MYH9: variants seen among roughly 807,000 people sequenced by gnomAD.
MYH9 encodes myosin-9.
MYH9 carries 29 observed loss-of-function variants against 241.9 expected under a neutral mutation model. That is an observed-to-expected ratio of 0.12 (90% confidence interval 0.09 to 0.16). The LOEUF is 0.16. MYH9 is among the 10% of genes least tolerant of loss of function. The pLI, the probability that MYH9 is intolerant of heterozygous loss-of-function variation, is 1.00. For synonymous variants in MYH9, 1,047 were observed against 1,062.6 expected (o/e 0.99, Z 0.29); for missense variants, 1,803 against 2,595.5 (o/e 0.69, Z 6.63).
rs727504861 is a variant in MYH9 at position 36,319,592 on chromosome 22, G to A, written c.1056C>T (p.Ile352=). The A allele has an allele frequency of 3.5e-5, 56 of 1,614,008 alleles. 1 individual carries two copies. The highest frequency in any genetic ancestry group is 3.1e-4 in the South Asian group (28 of 91,082). ...CAGTGTTCCGCTCCTTCTTGAAGAC[G>A]ATGTTGCCGAGCTGAAGAACCCCTG... The part of the protein sequence containing the change: ...VISGVLQLGN[I]VFKKERNTDQ... Residue 352 remains isoleucine (I), a synonymous_variant, in exon 10 of 41, where the codon ATC becomes ATT. Coordinates refer to ENST00000216181, the MANE Select transcript of MYH9 (RefSeq NM_002473.6).
intron 18 of MYH9, among the ~76,000 whole-genome samples, chr22:36,304,738 G>A (rs2016941990): frequency 1.3e-5 from 2 of 152,236 alleles, no homozygotes; most frequent in African/African-American, 4.8e-5. Flanking sequence ...CCGTGAGCAA[G>A]AAAGCAGGAG....
rs1247127142 is a variant in MYH9, at chr22:36,282,697, C to G, written c.5854G>C (p.Asp1952His). The G allele has an allele frequency of 2.5e-6, 4 of 1,613,964 alleles. No homozygotes were observed. The highest frequency in any genetic ancestry group is 3.4e-6 in the Non-Finnish European group (4 of 1,180,052). Residue 1952 changes from aspartate (D) to histidine (H), a missense_variant, in exon 41 of 41, where the codon GAT becomes CAT. Physicochemically the swap from Asp to His is moderately conservative, Grantham distance 81 (BLOSUM62 -1). Around this residue, in one of 11 missense-constraint regions of MYH9, gnomAD observed 876 missense variants for 1,077.8 expected, o/e 0.81. Transcript: ENST00000216181. Reference protein sequence around the residue: ...GSDEEVDGKADGAEAKPAE With the variant: ...GSDEEVDGKAHGAEAKPAE ...TCGGCAGGTTTGGCCTCAGCCCCAT[C>G]CGCTTTGCCATCTACCTCTTCGTCG... is the stretch of plus-strand genomic sequence containing the variant.
intron 1 of MYH9, among the ~76,000 whole-genome samples, chr22:36,367,582 G>A (rs1162663874): frequency 2.0e-5 from 3 of 152,186 alleles, no homozygotes; most frequent in Non-Finnish European, 4.4e-5. Context: ...ACTGGGTTGC[G>A]GCAGCACCCT....
At chr22:36,291,667 T>C (rs1004267751) in intron 31 of MYH9, among the ~76,000 whole-genome samples, 2 of 73,976 alleles carry the variant, frequency 2.7e-5, no homozygotes, top group Admixed American at 3.4e-4. Flanking sequence ...CACCCAAGAA[T>C]GATCAATAAA....
chr22:36,374,746 C>T (rs1261663162), intron 1 of MYH9, among the ~76,000 whole-genome samples: 8 of 152,302 alleles, frequency 5.3e-5, no homozygotes, highest in Admixed American at 3.9e-4. Context: ...AACAAGCCTT[C>T]ACGGGCCGTC....
chr22:36,344,237 C>T (rs1219309406), intron 2 of MYH9, among the ~76,000 whole-genome samples: 2 of 152,246 alleles, frequency 1.3e-5, no homozygotes, highest in Non-Finnish European at 2.9e-5. Context: ...GGCGCGGCCA[C>T]GACACGGCGC....
At chr22:36,296,788 G>A (rs1422122355) in intron 25 of MYH9, 55 bp downstream of exon 25, 2 of 1,537,554 alleles carry the variant, frequency 1.3e-6, no homozygotes, top group East Asian at 2.3e-5. Flanking sequence ...CCAGCAGCAA[G>A]CAGGAAGGGC....
In MYH9 at chr22:36,295,177, G is replaced by A. The variant is rs2016769364; in HGVS notation, c.3486-101C>T. ...AAAGAGAGGCCTGGCCAGGGCACAG[G>A]CACTCCAGGCAGCTTTTCTACCCAC... On this transcript the variant is annotated intron_variant, in intron 26 of 40. Coordinates refer to ENST00000216181, the MANE Select transcript of MYH9 (RefSeq NM_002473.6). This position sits in a 1 kb window ranked among gnomAD's most constrained non-coding sequence, Gnocchi z 4.1. 1.3e-6 allele frequency: 2 copies of A among 1,520,334 alleles called. No individual in the cohort carries two copies. The highest frequency in any genetic ancestry group is 2.7e-5 in the African/African-American group (2 of 73,050). The allele number at this position is 1,520,334 out of a possible 1,614,324, so 94.2% of individuals were successfully genotyped here.
At chr22:36,313,451 CAAAAAA>C (rs57101170) in intron 13 of MYH9, among the ~76,000 whole-genome samples, 8 of 52,930 alleles carry the variant, frequency 1.5e-4, no homozygotes, top group South Asian at 1.2e-3. Flanking sequence ...GACTCCGTCT[CAAAAAA>C]AAAAAAAAAA....
chr22:36,341,582 T>C, intron 2 of MYH9, 56 bp from the exon 3 acceptor site: 1 of 1,595,234 alleles, frequency 6.3e-7, no homozygotes, highest in Non-Finnish European at 8.5e-7. Context: ...CTCAGTAGTG[T>C]ACAAACTTTG....
intron 1 of MYH9, among the ~76,000 whole-genome samples, chr22:36,371,731 C>T (rs2018093162): frequency 6.6e-6 from 1 of 152,056 alleles, no homozygotes; most frequent in Non-Finnish European, 1.5e-5. Flanking sequence ...GAGACGGTTT[C>T]ACCATGTTGG....
chr22:36,361,700 TATC>T (rs2017938146), intron 1 of MYH9, among the ~76,000 whole-genome samples: 1 of 152,160 alleles, frequency 6.6e-6, no homozygotes, highest in Non-Finnish European at 1.5e-5. Context: ...CCCAGGATCT[TATC>T]AGCCATTTAG....
At chr22:36,318,432 G>T in intron 10 of MYH9, 107 bp from the exon 11 acceptor site, 1 of 952,398 alleles carries the variant, frequency 1.0e-6, no homozygotes, top group African/African-American at 1.6e-5. Context: ...TGACTTGGGA[G>T]CAGAGAGGAA....
At chr22:36,311,348 C>T (rs910036793) in intron 14 of MYH9, among the ~76,000 whole-genome samples, 2 of 152,150 alleles carry the variant, frequency 1.3e-5, no homozygotes, top group African/African-American at 2.4e-5. Flanking sequence ...TCACCCACAG[C>T]AGTGGCAATT....
intron 1 of MYH9, among the ~76,000 whole-genome samples, chr22:36,373,775 C>T (rs1298840961): frequency 2.0e-5 from 3 of 152,306 alleles, no homozygotes; most frequent in South Asian, 2.1e-4. Flanking sequence ...CTCAATAAAA[C>T]TCGTGGAACT....
chr22:36,364,353 A>G (rs1435014667), intron 1 of MYH9, among the ~76,000 whole-genome samples: 1 of 152,148 alleles, frequency 6.6e-6, no homozygotes, highest in Non-Finnish European at 1.5e-5. Context: ...GTGCTGAACT[A>G]AAGTCATGGG....
chr22:36,300,966 G>T lies in MYH9; in HGVS notation c.2723C>A (p.Ala908Asp). The T allele has an allele frequency of 6.2e-7, 1 of 1,611,636 alleles. No homozygotes were observed. ...GATCTCTTCTAATTCCTGCTTCTTG[G>T]CGGTCAGGCGGGCCCGGAGCTCCTC... Reference protein sequence around the residue: ...EAEELRARLTAKKQELEEICH... With the variant: ...EAEELRARLTDKKQELEEICH... Residue 908 changes from alanine (A) to aspartate (D), a missense_variant, in exon 22 of 41, where the codon GCC becomes GAC. Coordinates refer to ENST00000216181, the MANE Select transcript of MYH9 (RefSeq NM_002473.6). This position sits in a 1 kb window ranked among gnomAD's most constrained non-coding sequence, Gnocchi z 5.0.
At chr22:36,327,361 G>A (rs753478436) in intron 4 of MYH9, 100 bp downstream of exon 4, 1 of 1,391,404 alleles carries the variant, frequency 7.2e-7, no homozygotes, top group Non-Finnish European at 1.0e-6. Context: ...ATTGGGAATG[G>A]GGGACTCTGC....
At chr22:36,361,432 C>T (rs2017934052) in intron 1 of MYH9, among the ~76,000 whole-genome samples, 1 of 152,144 alleles carries the variant, frequency 6.6e-6, no homozygotes, top group Non-Finnish European at 1.5e-5. Context: ...CAAGGGAGGG[C>T]CTGTGGTCAC....
Sources: allele counts gnomAD v4.1 joint callset (sites outside exome capture counted in the v4.1 genomes callset), GRCh38; gene constraint gnomAD v4.1.1; regional missense constraint gnomAD v4.1.1; non-coding constraint Gnocchi (gnomAD v3.1); transcripts MANE v1.5; gene names NCBI Gene and HGNC (gene_info 2026-07-23, HGNC 2026-07-21).